DTWD2: variants seen among roughly 807,000 people sequenced by gnomAD.
The protein encoded by DTWD2 is tRNA-uridine aminocarboxypropyltransferase 2.
A neutral mutation model predicts 31.8 loss-of-function variants in DTWD2; 39 were observed. The ratio of observed to expected loss-of-function variants is 1.22; its 90% confidence interval spans 0.95 to 1.60. The LOEUF (loss-of-function observed/expected upper bound fraction) is 1.60. Among genes scored for constraint, DTWD2 ranks in the 40% most tolerant of loss-of-function variants. The pLI is 0.00. For missense variants in DTWD2, 515 were observed against 381.5 expected (o/e 1.35, Z -2.92); for synonymous variants, 180 against 142.8 (o/e 1.26, Z -1.86).
At chr5:118,895,900 C>T (rs1291783737) in intron 4 of DTWD2, among the ~76,000 whole-genome samples, 1 of 152,134 alleles carries the variant, frequency 6.6e-6, no homozygotes, top group Admixed American at 6.5e-5. Flanking sequence ...ATTAATAATA[C>T]TCATTCAAAC....
intron 4 of DTWD2, among the ~76,000 whole-genome samples, chr5:118,918,121 A>G (rs767425439): frequency 5.3e-4 from 81 of 152,176 alleles, no homozygotes; most frequent in Non-Finnish European, 1.0e-3. Flanking sequence ...CAGCCAAACC[A>G]TATCATGGAC....
At chr5:118,963,081 T>C (rs1021750577) in intron 1 of DTWD2, among the ~76,000 whole-genome samples, 4 of 152,202 alleles carry the variant, frequency 2.6e-5, no homozygotes, top group African/African-American at 9.6e-5. Flanking sequence ...AGCCAAGATA[T>C]TCATAAAATT....
intron 4 of DTWD2, among the ~76,000 whole-genome samples, chr5:118,911,962 C>G (rs1022132328): frequency 3.3e-5 from 5 of 152,210 alleles, no homozygotes; most frequent in Admixed American, 3.3e-4. Flanking sequence ...CTGAATCTAA[C>G]CAACACGTCA....
chr5:118,987,826 G>C (rs923035273), intron 1 of DTWD2, among the ~76,000 whole-genome samples: 1 of 152,158 alleles, frequency 6.6e-6, no homozygotes. Context: ...CGTATGTAGG[G>C]TTTGAAGAGA....
rs186424929 is a variant in DTWD2 at position 118,972,610 on chromosome 5, C to G, written c.218+15684G>C. ...AAACAGTTGAAAAGAAGGAACTCCT[C>G]CCAAACTCATTTTATGAAGCCAGCA... On this transcript the variant is annotated intron_variant, in intron 1 of 5. Transcript: ENST00000510708. Among the ~76,000 whole-genome samples, 11 of 152,308 alleles carry G rather than the reference C, an allele frequency of 7.2e-5. No individual in the cohort carries two copies. In the East Asian group the frequency reaches 2.1e-3, roughly 29 times the overall value.
chr5:118,864,281 C>G (rs1752332650), intron 4 of DTWD2, among the ~76,000 whole-genome samples: 1 of 147,986 alleles, frequency 6.8e-6, no homozygotes, highest in African/African-American at 2.5e-5. Context: ...ATTGCAAGGA[C>G]AAAAAACCAA....
chr5:118,981,392 G>C lies in DTWD2; in HGVS notation c.218+6902C>G, dbSNP rs111637806. 5.7e-3 allele frequency among the ~76,000 whole-genome samples: 862 copies of C among 152,188 alleles called. 12 individuals are homozygous for C. The highest frequency in any genetic ancestry group is 0.02 in the African/African-American group (829 of 41,522). On this transcript the variant is annotated intron_variant, in intron 1 of 5. Coordinates refer to ENST00000510708, the MANE Select transcript of DTWD2 (RefSeq NM_173666.4). ...CAATTTTTGAAAAAAGAATTAGACT[G>C]CCAAATAACTTGTCTACATAAACAG... is the stretch of plus-strand genomic sequence containing the variant.
rs1207370338 is a variant in DTWD2 at position 118,839,315 on chromosome 5, T to C, written c.*1602A>G. 1 of 152,042 alleles carries C rather than the reference T, an allele frequency of 6.6e-6. No individual in the cohort carries two copies. Among genetic ancestry groups the C allele is most frequent in the Non-Finnish European group, 1.5e-5 (1 of 68,012 alleles). The allele number at this position is 152,042 out of a possible 1,614,324, so 9.4% of individuals were successfully genotyped here. A position where few individuals can be genotyped will look rare whatever the true frequency, so the allele number is the denominator to read the frequency against. On this transcript the variant is annotated 3_prime_UTR_variant, in exon 6 of 6. Coordinates refer to ENST00000510708, the MANE Select transcript of DTWD2 (RefSeq NM_173666.4). ...TCTTTTCTAGTACACCAAATAATCATTTGATATTAAGTGCTTTACATTGTA... is the reference window on the plus strand; with the variant it reads ...TCTTTTCTAGTACACCAAATAATCACTTGATATTAAGTGCTTTACATTGTA...
Position 118,988,012 on chromosome 5 carries a change from C to G in DTWD2, c.218+282G>C, listed in dbSNP as rs1301095962. 3.6e-5 allele frequency: 25 copies of G among 688,596 alleles called. 1 individual carries two copies. The Admixed American group carries it at 4.7e-4, about 13-fold the overall frequency. 42.7% of individuals were successfully genotyped at this position (688,596 alleles called of 1,614,324 possible). ...TTACTGTCATCACCCCTTACTTCCC[C>G]TATTGGACGCTTAAGTTTCTTGGAA... On this transcript the variant is annotated intron_variant, in intron 1 of 5. Transcript: ENST00000510708.
intron 4 of DTWD2, among the ~76,000 whole-genome samples, chr5:118,891,931 A>C (rs1172989187): frequency 6.6e-6 from 1 of 152,212 alleles, no homozygotes; most frequent in Admixed American, 6.5e-5. Context: ...AATCTAGCTC[A>C]ATGCTACTAA....
chr5:118,916,347 A>G (rs1753576351), intron 4 of DTWD2, among the ~76,000 whole-genome samples: 1 of 152,156 alleles, frequency 6.6e-6, no homozygotes, highest in Admixed American at 6.5e-5. Context: ...CCATACTCTG[A>G]TTTATAATAC....
chr5:118,849,447 T>C (rs552523942), intron 4 of DTWD2, among the ~76,000 whole-genome samples: 1 of 152,244 alleles, frequency 6.6e-6, no homozygotes, highest in South Asian at 2.1e-4. Flanking sequence ...ACTAGTTCAA[T>C]CACTGTAGAA....
In DTWD2 at chr5:118,944,734, C is replaced by T. The variant is rs1252936394; in HGVS notation, c.219-85G>A. 4.8e-6 allele frequency: 6 copies of T among 1,249,426 alleles called. No individual in the cohort carries two copies. The East Asian group carries it at 1.3e-4, about 27-fold the overall frequency. The allele number at this position is 1,249,426 out of a possible 1,614,324, so 77.4% of individuals were successfully genotyped here. A position where few individuals can be genotyped will look rare whatever the true frequency, so the allele number is the denominator to read the frequency against. ...TTTTTAAATGACCTTAATCCCACTGCATTTATACAAAGAGGTTTGCTAAAG... is the reference window on the plus strand; with the variant it reads ...TTTTTAAATGACCTTAATCCCACTGTATTTATACAAAGAGGTTTGCTAAAG... On this transcript the variant is annotated intron_variant, in intron 1 of 5. Transcript: ENST00000510708.
chr5:118,912,981 C>T (rs1218519985), intron 4 of DTWD2, among the ~76,000 whole-genome samples: 4 of 152,276 alleles, frequency 2.6e-5, no homozygotes, highest in South Asian at 2.1e-4. Flanking sequence ...AGTCAACACT[C>T]GGTGCTGATA....
chr5:118,851,840 A>T (rs551067302), intron 4 of DTWD2, among the ~76,000 whole-genome samples: 106 of 87,722 alleles, frequency 1.2e-3, no homozygotes, highest in Middle Eastern at 6.4e-3. Context: ...AAAGTATAAT[A>T]AAAAAAAAAA....
At chr5:118,875,270 T>A (rs932676592) in intron 4 of DTWD2, among the ~76,000 whole-genome samples, 1 of 152,122 alleles carries the variant, frequency 6.6e-6, no homozygotes, top group Admixed American at 6.5e-5. Context: ...TGCAGACCAG[T>A]GACACTATAA....
At chr5:118,935,107 G>A (rs114716495) in intron 3 of DTWD2, among the ~76,000 whole-genome samples, 1,803 of 152,160 alleles carry the variant, frequency 0.012, 34 homozygotes, top group African/African-American at 0.041. Flanking sequence ...CCTGAATGAT[G>A]AAGCCTAAAT....
chr5:118,951,314 G>C (rs1008259888), intron 1 of DTWD2, among the ~76,000 whole-genome samples: 1 of 152,154 alleles, frequency 6.6e-6, no homozygotes, highest in African/African-American at 2.4e-5. Flanking sequence ...TGGGGAGGAA[G>C]AGAGAGGTCA....
chr5:118,851,752 C>A (rs1174627792), intron 4 of DTWD2, among the ~76,000 whole-genome samples: 1 of 150,670 alleles, frequency 6.6e-6, no homozygotes, highest in South Asian at 2.1e-4. Context: ...TGATGAGTTA[C>A]TGGGTGCAGC....
Sources: gnomAD v4.1 joint callset for allele counts (sites outside exome capture counted in the v4.1 genomes callset) on GRCh38, gnomAD v4.1.1 for gene constraint, MANE v1.5 for transcripts, NCBI Gene and HGNC (gene_info 2026-07-23, HGNC 2026-07-21) for gene names.